The following SLC39A14 variants were observed in gnomAD, a reference collection of about 807,000 sequenced individuals.
SLC39A14 encodes the protein solute carrier family 39 member 14, also known as metal cation symporter ZIP14.
SLC39A14 carries 19 observed loss-of-function variants against 45.5 expected under a neutral mutation model. The ratio of observed to expected loss-of-function variants is 0.42; its 90% confidence interval spans 0.29 to 0.61. The LOEUF (loss-of-function observed/expected upper bound fraction) is 0.61. Among genes scored for constraint, SLC39A14 ranks in the 20% least tolerant of loss-of-function variants. The pLI, the probability that SLC39A14 is intolerant of heterozygous loss-of-function variation, is 0.22. For missense variants in SLC39A14, 447 were observed against 616.5 expected (o/e 0.73, Z 2.91); for synonymous variants, 264 against 251.3 (o/e 1.05, Z -0.48).
Position 22,422,667 on chromosome 8 carries a change from A to G in SLC39A14, c.*2969A>G, listed in dbSNP as rs955506061. The G allele has an allele frequency of 1.0e-4, 99 of 984,292 alleles. No individual in the cohort carries two copies. Among genetic ancestry groups the G allele is most frequent in the Non-Finnish European group, 1.2e-4 (98 of 829,020 alleles). The allele number at this position is 984,292 out of a possible 1,614,324, so 61.0% of individuals were successfully genotyped here. A position where few individuals can be genotyped will look rare whatever the true frequency, so the allele number is the denominator to read the frequency against. On this transcript the variant is annotated 3_prime_UTR_variant, in exon 9 of 9. Transcript: ENST00000381237. ...TGTAAGATTCTATAAATAAAGCTAT[A>G]TTCTGTAATTGTTGAGAATCCCACG... is the stretch of plus-strand genomic sequence containing the variant.
intron 2 of SLC39A14, among the ~76,000 whole-genome samples, chr8:22,405,881 C>A (rs1479236752): frequency 6.6e-6 from 1 of 152,144 alleles, no homozygotes; most frequent in Admixed American, 6.5e-5. Flanking sequence ...CCAGCAAAAT[C>A]TTTATATATC....
At chr8:22,376,553 A>G (rs2132173681) in intron 1 of SLC39A14, among the ~76,000 whole-genome samples, 1 of 151,946 alleles carries the variant, frequency 6.6e-6, no homozygotes, top group Middle Eastern at 3.4e-3. Context: ...CCACACTGAA[A>G]AAAGGTGGGT....
rs1029667488 is a variant in SLC39A14 at position 22,421,843 on chromosome 8, T to A, written c.*2145T>A. ...CTCAAAACTATAATCTTTAACAAAT[T>A]GAAAAATGAAATAGGGTGTTTTCCC... On this transcript the variant is annotated 3_prime_UTR_variant, in exon 9 of 9. Transcript: ENST00000381237. The A allele has an allele frequency of 1.0e-6, 1 of 985,300 alleles. No homozygotes were observed. Among genetic ancestry groups the A allele is most frequent in the Admixed American group, 6.1e-5 (1 of 16,266 alleles). The allele number at this position is 985,300 out of a possible 1,614,324, so 61.0% of individuals were successfully genotyped here.
At position 22,367,359 on chromosome 8, in the gene SLC39A14, G is replaced by A. The variant is rs1256115319; in HGVS notation, c.-65G>A. 1.3e-5 allele frequency: 2 copies of A among 151,936 alleles called. No individual in the cohort carries two copies. The highest frequency in any genetic ancestry group is 2.4e-5 in the African/African-American group (1 of 41,412). 9.4% of individuals were successfully genotyped at this position (151,936 alleles called of 1,614,324 possible). ...CTGCTTCTGCCGCCGCCGGCCGCCTGGGACCTTGCGGTGAGGCTGCGCGGG... is the reference window on the plus strand; with the variant it reads ...CTGCTTCTGCCGCCGCCGGCCGCCTAGGACCTTGCGGTGAGGCTGCGCGGG... On this transcript the variant is annotated 5_prime_UTR_variant, in exon 1 of 9. Transcript: ENST00000381237. The surrounding 1 kb of genome is among the most constrained non-coding windows in gnomAD (Gnocchi z 4.2).
intron 1 of SLC39A14, chr8:22,404,462 G>GTT (rs61222646): frequency 1.9e-4 from 41 of 220,984 alleles, no homozygotes; most frequent in South Asian, 2.3e-4. Flanking sequence ...ATTGCTGTTT[G>GTT]TTTTTTTTTT....
chr8:22,369,193 G>A (rs2132142000), intron 1 of SLC39A14, among the ~76,000 whole-genome samples: 1 of 152,260 alleles, frequency 6.6e-6, no homozygotes, highest in Admixed American at 6.5e-5. Flanking sequence ...TCTGGATACT[G>A]TCTCTTCCCA....
intron 1 of SLC39A14, among the ~76,000 whole-genome samples, chr8:22,391,050 C>T (rs1399579198): frequency 2.6e-5 from 4 of 152,150 alleles, no homozygotes; most frequent in Admixed American, 2.6e-4. Flanking sequence ...CCATGGCATC[C>T]CAGCTCTGCA....
At chr8:22,427,480 G>A (rs1227319140), downstream of SLC39A14, among the ~76,000 whole-genome samples, 1 of 151,592 alleles carries the variant, frequency 6.6e-6, no homozygotes, top group Non-Finnish European at 1.5e-5. Flanking sequence ...TTAAAATAAA[G>A]GATTAGGTCT....
chr8:22,387,233 G>A (rs1039875771), intron 1 of SLC39A14, among the ~76,000 whole-genome samples: 6 of 151,708 alleles, frequency 4.0e-5, no homozygotes, highest in Admixed American at 3.9e-4. Context: ...TGTTAAAGTC[G>A]TGATGCAGTT....
At chr8:22,373,384 A>T (rs930676674) in intron 1 of SLC39A14, among the ~76,000 whole-genome samples, 7 of 152,204 alleles carry the variant, frequency 4.6e-5, no homozygotes, top group Non-Finnish European at 1.0e-4. Context: ...TTATTGGATG[A>T]TAATGAGATA....
At chr8:22,373,202 G>T (rs1430444066) in intron 1 of SLC39A14, among the ~76,000 whole-genome samples, 2 of 151,078 alleles carry the variant, frequency 1.3e-5, no homozygotes, top group Non-Finnish European at 2.9e-5. Context: ...AGCAGAGGTT[G>T]CAGTGAGCCA....
At chr8:22,406,801 G>A (rs949586388) in intron 2 of SLC39A14, among the ~76,000 whole-genome samples, 9 of 152,190 alleles carry the variant, frequency 5.9e-5, no homozygotes, top group African/African-American at 2.2e-4. Context: ...CCCCCGCGGG[G>A]TAATGCAGCT....
Position 22,419,822 on chromosome 8 carries a change from T to C in SLC39A14, c.*124T>C, listed in dbSNP as rs1836125416. 1 of 1,411,320 alleles carries C rather than the reference T, an allele frequency of 7.1e-7. No homozygotes were observed. Among genetic ancestry groups the C allele is most frequent in the East Asian group, 2.5e-5 (1 of 39,754 alleles). 87.4% of individuals were successfully genotyped at this position (1,411,320 alleles called of 1,614,324 possible). On this transcript the variant is annotated 3_prime_UTR_variant, in exon 9 of 9. Coordinates refer to ENST00000381237, the MANE Select transcript of SLC39A14 (RefSeq NM_001128431.4). ...TTCTATGAAAAACTGACACAGACTG[T>C]ATTCCTGCATTCAAATGTCAGCCGT...
chr8:22,404,743 G>A lies in SLC39A14; in HGVS notation c.33G>A (p.Gln11=). The A allele has an allele frequency of 6.2e-7, 1 of 1,613,824 alleles. No individual in the cohort carries two copies. The highest frequency in any genetic ancestry group is 1.3e-5 in the African/African-American group (1 of 74,986). ...TGCTGCTGCTGCACCCGGCCTTCCA[G>A]AGCTGCCTCCTGCTGACCCTGCTTG... is the stretch of plus-strand genomic sequence containing the variant. The part of the protein sequence containing the change: MKLLLLHPAF[Q]SCLLLTLLGL... The change falls in exon 2 of 9, where the codon CAG becomes CAA. Residue 11 remains glutamine, a synonymous_variant. Coordinates refer to ENST00000381237, the MANE Select transcript of SLC39A14 (RefSeq NM_001128431.4).
intron 8 of SLC39A14, among the ~76,000 whole-genome samples, chr8:22,428,521 C>CTCACTTG (rs1370528184): frequency 6.8e-6 from 1 of 147,736 alleles, no homozygotes; most frequent in African/African-American, 2.5e-5. Context: ...CAGCTCACTG[C>CTCACTTG]AACCTCTGCC....
intron 1 of SLC39A14, among the ~76,000 whole-genome samples, chr8:22,387,769 C>T (rs751684732): frequency 3.3e-5 from 5 of 152,192 alleles, no homozygotes; most frequent in African/African-American, 9.6e-5. Context: ...CCAGGTTCCT[C>T]CTGCTTCCTT....
chr8:22,382,386 C>T (rs74891291), intron 1 of SLC39A14, among the ~76,000 whole-genome samples: 4,574 of 152,136 alleles, frequency 0.03, 214 homozygotes, highest in African/African-American at 0.1. Flanking sequence ...CTAGTTAAAT[C>T]TTGGTCAGGC....
intron 8 of SLC39A14, among the ~76,000 whole-genome samples, chr8:22,432,943 G>A (rs1189925532): frequency 1.3e-5 from 2 of 150,386 alleles, no homozygotes; most frequent in African/African-American, 4.9e-5. Context: ...ATTAACCATC[G>A]TGCTCGGCCA....
At chr8:22,390,312 T>C (rs1380872267) in intron 1 of SLC39A14, 1 of 151,596 alleles carries the variant, frequency 6.6e-6, no homozygotes, top group Non-Finnish European at 1.5e-5. Flanking sequence ...GAGCATACTT[T>C]TTTTTTTTTT....
Sources: allele counts gnomAD v4.1 joint callset (sites outside exome capture counted in the v4.1 genomes callset), GRCh38; gene constraint gnomAD v4.1.1; non-coding constraint Gnocchi (gnomAD v3.1); transcripts MANE v1.5; gene names NCBI Gene and HGNC (gene_info 2026-07-23, HGNC 2026-07-21).